Variants in CRACDL observed in about 807,000 individuals in gnomAD.
CRACDL encodes the protein CRACD-like protein.
CRACDL carries 26 observed loss-of-function variants against 70.6 expected under a neutral mutation model. That is an observed-to-expected ratio of 0.37 (90% CI 0.27 to 0.51). The LOEUF is 0.51. Ranked by LOEUF, CRACDL falls within the 20% of genes least tolerant of loss-of-function variation. CRACDL has a pLI of 0.94. For synonymous variants in CRACDL, 618 were observed against 615.2 expected (o/e 1.00, Z -0.07); for missense variants, 1,283 against 1,376.9 (o/e 0.93, Z 1.08).
At chr2:98,864,832 C>G (rs940405113) in intron 1 of CRACDL, among the ~76,000 whole-genome samples, 1 of 152,190 alleles carries the variant, frequency 6.6e-6, no homozygotes, top group Non-Finnish European at 1.5e-5. Context: ...CAGGCATGAA[C>G]CACTGCGCCT....
chr2:98,825,857 G>A (rs929183097), intron 6 of CRACDL, among the ~76,000 whole-genome samples: 1 of 152,192 alleles, frequency 6.6e-6, no homozygotes, highest in African/African-American at 2.4e-5. Context: ...CCTTCCATAT[G>A]CCCAAAGGAA....
intron 7 of CRACDL, among the ~76,000 whole-genome samples, chr2:98,812,937 C>A (rs1704634103): frequency 6.6e-6 from 1 of 152,036 alleles, no homozygotes; most frequent in African/African-American, 2.4e-5. Flanking sequence ...CTTTGCCTAG[C>A]CCTATATCCC....
intron 1 of CRACDL, among the ~76,000 whole-genome samples, chr2:98,875,571 G>A (rs1292201878): frequency 6.6e-6 from 1 of 152,256 alleles, no homozygotes; most frequent in Non-Finnish European, 1.5e-5. Flanking sequence ...GCCTGGGACA[G>A]TGGGCTGTCA....
At chr2:98,921,760 T>C (rs947993511) in intron 1 of CRACDL, among the ~76,000 whole-genome samples, 1 of 152,008 alleles carries the variant, frequency 6.6e-6, no homozygotes, top group African/African-American at 2.4e-5. Context: ...TGAGGTGGGG[T>C]CTCTCTGTGC....
At chr2:98,894,250 C>T (rs953669786) in intron 1 of CRACDL, among the ~76,000 whole-genome samples, 2 of 152,286 alleles carry the variant, frequency 1.3e-5, no homozygotes, top group Admixed American at 1.3e-4. Flanking sequence ...TGAGAACACC[C>T]CCTCCCATCA....
intron 1 of CRACDL, among the ~76,000 whole-genome samples, chr2:98,871,065 C>T (rs937406154): frequency 1.3e-5 from 2 of 152,246 alleles, no homozygotes; most frequent in African/African-American, 4.8e-5. Flanking sequence ...ATGCTCTCCA[C>T]AGCACGGTGC....
In CRACDL at chr2:98,821,962, A is replaced by G. The variant is rs1366657275; in HGVS notation, c.2311T>C (p.Phe771Leu). 1 of 1,541,274 alleles carries G rather than the reference A, an allele frequency of 6.5e-7. No individual in the cohort carries two copies. Among genetic ancestry groups the G allele is most frequent in the Non-Finnish European group, 8.7e-7 (1 of 1,145,696 alleles). ...PLPRKPLLQS[F>L]TLPHQPAPPD... is the part of the protein sequence containing the mutation. ...GGCGCGGGCTGGTGCGGGAGCGTGA[A>G]GCTCTGCAGAAGCGGCTTCCGGGGC... Residue 771 changes from phenylalanine to leucine, a missense_variant, in exon 7 of 10, where the codon TTC (phenylalanine) becomes CTC (leucine). By Grantham distance (22) the Phe-to-Leu change is conservative (BLOSUM62 0). This residue lies in a region of CRACDL where 921 missense variants were observed against 881.9 expected (regional missense o/e 1.04). Coordinates refer to ENST00000397899, the MANE Select transcript of CRACDL (RefSeq NM_207362.3).
chr2:98,919,647 T>C (rs561053168), intron 1 of CRACDL, among the ~76,000 whole-genome samples: 81 of 152,354 alleles, frequency 5.3e-4, no homozygotes, highest in Admixed American at 4.2e-3. Context: ...TCCCAAGTGG[T>C]TAAATAGTAA....
At chr2:98,840,513 T>A (rs1258321335) in intron 2 of CRACDL, among the ~76,000 whole-genome samples, 3 of 152,212 alleles carry the variant, frequency 2.0e-5, no homozygotes, top group African/African-American at 7.2e-5. Flanking sequence ...ATCTTTTTTT[T>A]AAATTGTGTT....
intron 3 of CRACDL, among the ~76,000 whole-genome samples, chr2:98,836,184 A>G (rs1296622630): frequency 6.6e-6 from 1 of 152,194 alleles, no homozygotes. Flanking sequence ...GCACAACCGC[A>G]CAGACACAGA....
chr2:98,828,934 T>A (rs934456997), intron 5 of CRACDL, among the ~76,000 whole-genome samples: 2 of 152,232 alleles, frequency 1.3e-5, no homozygotes, highest in Non-Finnish European at 2.9e-5. Context: ...GAGTCTTCCT[T>A]AAAGGTCACA....
At chr2:98,880,783 G>A (rs1484703049) in intron 1 of CRACDL, among the ~76,000 whole-genome samples, 1 of 152,224 alleles carries the variant, frequency 6.6e-6, no homozygotes, top group Admixed American at 6.5e-5. Context: ...GGGAAGGCAG[G>A]TGTCGGGAGA....
intron 1 of CRACDL, among the ~76,000 whole-genome samples, chr2:98,910,574 T>C (rs1708523997): frequency 1.4e-5 from 2 of 146,798 alleles, no homozygotes; most frequent in South Asian, 4.3e-4. Context: ...ATAATGCTCC[T>C]TGTTTCCCAG....
intron 1 of CRACDL, among the ~76,000 whole-genome samples, chr2:98,913,993 G>A (rs1168343232): frequency 3.3e-5 from 5 of 152,196 alleles, no homozygotes; most frequent in Non-Finnish European, 4.4e-5. Flanking sequence ...TGGAAGCCTC[G>A]GCTGCCTCCC....
At chr2:98,863,227 C>T (rs1248719272) in intron 1 of CRACDL, among the ~76,000 whole-genome samples, 1 of 151,924 alleles carries the variant, frequency 6.6e-6, no homozygotes, top group Non-Finnish European at 1.5e-5. Context: ...CTTTGGAAGC[C>T]AGAAGGTAGT....
chr2:98,904,943 C>G (rs1708369177), intron 1 of CRACDL, among the ~76,000 whole-genome samples: 1 of 152,022 alleles, frequency 6.6e-6, no homozygotes, highest in African/African-American at 2.4e-5. Context: ...CATCCTAGAT[C>G]TGGCTGTTTA....
chr2:98,803,094 G>A (rs1704146971), intron 7 of CRACDL, among the ~76,000 whole-genome samples: 1 of 151,682 alleles, frequency 6.6e-6, no homozygotes, highest in Non-Finnish European at 1.5e-5. Flanking sequence ...CCGCCTCCTG[G>A]GTTCAAGGGA....
intron 1 of CRACDL, among the ~76,000 whole-genome samples, chr2:98,911,173 A>G (rs562882289): frequency 3.9e-5 from 6 of 152,100 alleles, no homozygotes; most frequent in Non-Finnish European, 8.8e-5. Context: ...TCTGGGCCTC[A>G]AGTATCTCGT....
intron 7 of CRACDL, among the ~76,000 whole-genome samples, chr2:98,818,690 G>A (rs930403178): frequency 6.6e-6 from 1 of 152,244 alleles, no homozygotes; most frequent in Non-Finnish European, 1.5e-5. Flanking sequence ...CAATGAGAAT[G>A]ATAATAGTAG....
Sources: allele counts gnomAD v4.1 joint callset (sites outside exome capture counted in the v4.1 genomes callset), GRCh38; gene constraint gnomAD v4.1.1; regional missense constraint gnomAD v4.1.1; transcripts MANE v1.5; gene names NCBI Gene and HGNC (gene_info 2026-07-23, HGNC 2026-07-21).